Variants in ZNF385B observed in about 807,000 individuals in gnomAD.
ZNF385B encodes zinc finger protein 385B.
A neutral mutation model predicts 39.2 loss-of-function variants in ZNF385B; 23 were observed. That is an observed-to-expected ratio of 0.59 (90% CI 0.42 to 0.83). The LOEUF (loss-of-function observed/expected upper bound fraction) is 0.83. Ranked by LOEUF, ZNF385B falls within the 40% of genes least tolerant of loss-of-function variation. ZNF385B has a pLI of 0.00. For missense variants in ZNF385B, 552 were observed against 598.9 expected, an observed-to-expected ratio of 0.92 and a Z score of 0.82; for synonymous variants, 205 against 222.6, an observed-to-expected ratio of 0.92 and a Z score of 0.70.
chr2:179,664,086 G>T (rs543646412), intron 3 of ZNF385B, among the ~76,000 whole-genome samples: 92 of 147,840 alleles, frequency 6.2e-4, no homozygotes, highest in Non-Finnish European at 3.1e-4. Context: ...AAAAGCAAGT[G>T]GTTCTTTTGG....
At chr2:179,501,052 AC>A (rs763894264) in intron 5 of ZNF385B, among the ~76,000 whole-genome samples, 20 of 152,164 alleles carry the variant, frequency 1.3e-4, no homozygotes, top group Admixed American at 2.6e-4. Context: ...ATATCATCTC[AC>A]CCCAGTTGAA....
At chr2:179,782,700 G>A (rs1333546651) in intron 1 of ZNF385B, among the ~76,000 whole-genome samples, 1 of 152,116 alleles carries the variant, frequency 6.6e-6, no homozygotes, top group Non-Finnish European at 1.5e-5. Flanking sequence ...GCCAAATTGA[G>A]AGCCAAATCA....
At chr2:179,713,891 A>G (rs764005877) in intron 3 of ZNF385B, among the ~76,000 whole-genome samples, 9 of 152,176 alleles carry the variant, frequency 5.9e-5, no homozygotes, top group Non-Finnish European at 1.2e-4. Flanking sequence ...CCAGTCCCCT[A>G]TTTTTGCCCT....
rs1707095441 is a variant in ZNF385B at position 179,816,732 on chromosome 2, T to C, written c.-155+44369A>G. 2.0e-5 allele frequency among the ~76,000 whole-genome samples: 3 copies of C among 152,156 alleles called. No individual in the cohort carries two copies. In the South Asian group the frequency reaches 6.2e-4, roughly 31 times the overall value. On this transcript the variant is annotated intron_variant, in intron 1 of 9. Coordinates refer to ENST00000410066, the MANE Select transcript of ZNF385B (RefSeq NM_152520.6). The stretch of plus-strand genomic sequence containing the variant: ...AGACTAAGAAAGTGACTGAATAAAA[T>C]AAATATCTAAATAAAAGCTCACATT...
At chr2:179,563,531 C>T (rs1353185279) in intron 3 of ZNF385B, among the ~76,000 whole-genome samples, 2 of 152,134 alleles carry the variant, frequency 1.3e-5, no homozygotes, top group Non-Finnish European at 2.9e-5. Context: ...TTTAGTATAT[C>T]TGCTTATGTC....
chr2:179,767,386 G>C (rs1051398186), intron 3 of ZNF385B, among the ~76,000 whole-genome samples: 38 of 152,158 alleles, frequency 2.5e-4, no homozygotes, highest in Non-Finnish European at 5.0e-4. Flanking sequence ...CTGAGGCAGG[G>C]GGAGGGTAGA....
At chr2:179,715,030 T>G (rs1268265485) in intron 3 of ZNF385B, among the ~76,000 whole-genome samples, 10 of 151,628 alleles carry the variant, frequency 6.6e-5, no homozygotes, top group Non-Finnish European at 1.5e-4. Context: ...AAAATTTTCC[T>G]GTTTATACCT....
chr2:179,839,750 G>A (rs1708445953), intron 1 of ZNF385B, among the ~76,000 whole-genome samples: 1 of 152,120 alleles, frequency 6.6e-6, no homozygotes. Context: ...AAGAAGGGGT[G>A]TTTTACCACC....
rs370680202 is a variant in ZNF385B, at chr2:179,769,495, C to T, written c.298+8G>A. ...GCAGCACATGGAACCCGGGACCCTGCCTCCTACCTGTGCTGCTGTTGCTGC... is the reference window on the plus strand; with the variant it reads ...GCAGCACATGGAACCCGGGACCCTGTCTCCTACCTGTGCTGCTGTTGCTGC... On this transcript the variant is annotated splice_region_variant and intron_variant, in intron 3 of 9. Transcript: ENST00000410066. 23 of 1,612,978 alleles carry T rather than the reference C, an allele frequency of 1.4e-5. No homozygotes were observed. Among genetic ancestry groups the T allele is most frequent in the Non-Finnish European group, 1.7e-5 (20 of 1,179,740 alleles).
intron 6 of ZNF385B, among the ~76,000 whole-genome samples, chr2:179,479,033 AT>A (rs1185215161): frequency 2.1e-4 from 32 of 151,992 alleles, no homozygotes; most frequent in Non-Finnish European, 4.7e-4. Flanking sequence ...CCCAAAGCAT[AT>A]TTTTCCTCCC....
chr2:179,799,692 G>T (rs1390053278), intron 1 of ZNF385B, among the ~76,000 whole-genome samples: 2 of 151,946 alleles, frequency 1.3e-5, no homozygotes, highest in Non-Finnish European at 2.9e-5. Context: ...TACCACCAAT[G>T]CCAGAGTACT....
chr2:179,695,530 G>C (rs1202660126), intron 3 of ZNF385B, among the ~76,000 whole-genome samples: 1 of 152,094 alleles, frequency 6.6e-6, no homozygotes, highest in African/African-American at 2.4e-5. Flanking sequence ...ATTGGAAAAT[G>C]GGAGAGAGAT....
intron 1 of ZNF385B, among the ~76,000 whole-genome samples, chr2:179,796,665 C>T (rs565363124): frequency 3.4e-4 from 52 of 152,164 alleles, no homozygotes; most frequent in South Asian, 3.3e-3. Context: ...CTTATTTAGC[C>T]GAAATGCAAA....
rs371312595 is a variant in ZNF385B, at chr2:179,622,278, G to A, written c.299-77309C>T. ...CCAGTCCCAGAACTCATTCAGGGTC[G>A]TCATTCTCAGATGTATCATCACCCT... is the stretch of plus-strand genomic sequence containing the variant. On this transcript the variant is annotated intron_variant, in intron 3 of 9. Coordinates refer to ENST00000410066, the MANE Select transcript of ZNF385B (RefSeq NM_152520.6). Among the ~76,000 whole-genome samples, 12 of 152,130 alleles carry A rather than the reference G, an allele frequency of 7.9e-5. No individual in the cohort carries two copies. The South Asian group carries it at 1.0e-3, about 13-fold the overall frequency.
chr2:179,672,765 C>T (rs915176685), intron 3 of ZNF385B, among the ~76,000 whole-genome samples: 3 of 152,166 alleles, frequency 2.0e-5, no homozygotes, highest in Non-Finnish European at 2.9e-5. Context: ...AATCTGCTAG[C>T]CCCTTGATCT....
intron 1 of ZNF385B, among the ~76,000 whole-genome samples, chr2:179,813,387 T>A (rs1706856037): frequency 6.6e-6 from 1 of 152,132 alleles, no homozygotes; most frequent in Non-Finnish European, 1.5e-5. Context: ...GTCATTTGAC[T>A]CCTAAAATTT....
chr2:179,766,518 G>A (rs1251615702), intron 3 of ZNF385B, among the ~76,000 whole-genome samples: 1 of 152,174 alleles, frequency 6.6e-6, no homozygotes, highest in Admixed American at 6.5e-5. Flanking sequence ...TCTGAGGGCT[G>A]TGAGGGAAGG....
chr2:179,719,034 C>T (rs1700514405), intron 3 of ZNF385B, among the ~76,000 whole-genome samples: 1 of 151,828 alleles, frequency 6.6e-6, no homozygotes, highest in African/African-American at 2.4e-5. Context: ...CACAAGCCAG[C>T]TTATCATGAA....
At chr2:179,594,235 G>T (rs1485736815) in intron 3 of ZNF385B, among the ~76,000 whole-genome samples, 1 of 152,122 alleles carries the variant, frequency 6.6e-6, no homozygotes, top group Non-Finnish European at 1.5e-5. Context: ...TACAGCAGTT[G>T]TAACTTCAAC....
Sources: allele counts gnomAD v4.1 joint callset (sites outside exome capture counted in the v4.1 genomes callset), GRCh38; gene constraint gnomAD v4.1.1; transcripts MANE v1.5; gene names NCBI Gene and HGNC (gene_info 2026-07-23, HGNC 2026-07-21).